CBFA2T3: variants seen among roughly 807,000 people sequenced by gnomAD.
CBFA2T3 encodes CBFA2/RUNX1 partner transcriptional co-repressor 3.
A neutral mutation model predicts 58.6 loss-of-function variants in CBFA2T3; 31 were observed. The observed-to-expected ratio is 0.53, with a 90% CI of 0.40 to 0.71. The LOEUF (loss-of-function observed/expected upper bound fraction) is 0.71. Ranked by LOEUF, CBFA2T3 falls within the 30% of genes least tolerant of loss-of-function variation. CBFA2T3 has a pLI of 0.00. For synonymous variants in CBFA2T3, 531 were observed against 421.9 expected (o/e 1.26, Z -3.17); for missense variants, 1,076 against 963.1 (o/e 1.12, Z -1.55).
chr16:88,878,362 G>A lies in CBFA2T3; in HGVS notation c.1662+908C>T, dbSNP rs1455328070. On this transcript the variant is annotated intron_variant, in intron 11 of 11. Transcript: ENST00000268679. The stretch of plus-strand genomic sequence containing the variant: ...ATGGGGCTCCATCTCCTCCCACCCC[G>A]GGGCTGGCCCAGGCACAGATGCACA... Among the ~76,000 whole-genome samples, 8 of 152,176 alleles carry A rather than the reference G, an allele frequency of 5.3e-5. No homozygotes were observed. In the East Asian group the frequency reaches 9.6e-4, roughly 18 times the overall value.
intron 5 of CBFA2T3, among the ~76,000 whole-genome samples, chr16:88,890,393 C>T (rs958422835): frequency 1.3e-5 from 2 of 152,192 alleles, no homozygotes; most frequent in Non-Finnish European, 2.9e-5. Context: ...TCTGGACCCC[C>T]GAGGGGAGGC....
intron 1 of CBFA2T3, among the ~76,000 whole-genome samples, chr16:88,936,250 G>T (rs1238646873): frequency 3.3e-5 from 5 of 152,168 alleles, no homozygotes. Flanking sequence ...CGTCTCCCAG[G>T]TATCTCCCAT....
chr16:88,903,077 C>T (rs146400932), intron 1 of CBFA2T3, among the ~76,000 whole-genome samples: 12 of 152,316 alleles, frequency 7.9e-5, no homozygotes, highest in Middle Eastern at 3.4e-3. Flanking sequence ...CAACTGTGGG[C>T]GCTGCCCCTG....
chr16:88,927,462 G>A lies in CBFA2T3; in HGVS notation c.152-25806C>T, dbSNP rs184530041. Among the ~76,000 whole-genome samples the A allele has an allele frequency of 5.3e-3, 804 of 152,328 alleles. 6 individuals carry two copies. Among genetic ancestry groups the A allele is most frequent in the African/African-American group, 0.018 (759 of 41,568 alleles). ...ATCCTGCCGGGGTGGAGGAGGGGCT[G>A]GGGAAGAGGTGGGTCCACCTGTTCT... is the stretch of plus-strand genomic sequence containing the variant. On this transcript the variant is annotated intron_variant, in intron 1 of 11. Transcript: ENST00000268679.
At chr16:88,951,140 C>G in intron 1 of CBFA2T3, 1 of 371,494 alleles carries the variant, frequency 2.7e-6, no homozygotes, top group South Asian at 1.8e-5. Context: ...ATCTGTTCAC[C>G]CCTCCCCTGG....
intron 1 of CBFA2T3, among the ~76,000 whole-genome samples, chr16:88,916,879 A>G (rs1207102603): frequency 6.6e-6 from 1 of 152,014 alleles, no homozygotes; most frequent in Non-Finnish European, 1.5e-5. Flanking sequence ...TGGAGGGGCC[A>G]ACAGAGGGGA....
intron 1 of CBFA2T3, among the ~76,000 whole-genome samples, chr16:88,962,199 C>G (rs1254150670): frequency 6.6e-6 from 1 of 152,140 alleles, no homozygotes; most frequent in Non-Finnish European, 1.5e-5. Context: ...CCATAGTAAC[C>G]GACCCTCAGC....
intron 7 of CBFA2T3, chr16:88,884,230 G>T (rs1422025177): frequency 6.6e-6 from 1 of 152,250 alleles, no homozygotes; most frequent in Non-Finnish European, 1.5e-5. Flanking sequence ...TGGGGGCTGG[G>T]AGATGGCCTT....
chr16:88,975,209 ACCC>A (rs1567644075), intron 1 of CBFA2T3, among the ~76,000 whole-genome samples: 126 of 76,442 alleles, frequency 1.6e-3, no homozygotes, highest in South Asian at 5.1e-3. Context: ...GTCCACCCTG[ACCC>A]TCTGCTCCTC....
intron 11 of CBFA2T3, among the ~76,000 whole-genome samples, chr16:88,878,173 C>T (rs1335943258): frequency 1.3e-5 from 2 of 152,256 alleles, no homozygotes; most frequent in Admixed American, 6.5e-5. Context: ...GCCTCCACAG[C>T]CCCACTCCCC....
chr16:88,954,475 A>C (rs1165258224), intron 1 of CBFA2T3, among the ~76,000 whole-genome samples: 1 of 136,912 alleles, frequency 7.3e-6, no homozygotes, highest in Non-Finnish European at 1.5e-5. Context: ...TCCTGACCCC[A>C]GCCAAGGCTC....
intron 11 of CBFA2T3, among the ~76,000 whole-genome samples, chr16:88,877,592 G>A (rs552583533): frequency 3.8e-4 from 58 of 152,220 alleles, no homozygotes; most frequent in African/African-American, 1.4e-3. Context: ...AAAACCAAAG[G>A]GCGTGGCCCC....
At chr16:88,890,692 G>A (rs1969596371) in intron 5 of CBFA2T3, among the ~76,000 whole-genome samples, 1 of 150,578 alleles carries the variant, frequency 6.6e-6, no homozygotes, top group Non-Finnish European at 1.5e-5. Flanking sequence ...TCTCCCATGG[G>A]AATCACTGGC....
At chr16:88,950,220 G>T (rs780420301) in intron 1 of CBFA2T3, 1 of 436,958 alleles carries the variant, frequency 2.3e-6, no homozygotes, top group South Asian at 1.6e-5. Context: ...GACCGGCACC[G>T]CCACAGAGGG....
chr16:88,925,004 C>T (rs1971038736), intron 1 of CBFA2T3, among the ~76,000 whole-genome samples: 1 of 152,240 alleles, frequency 6.6e-6, no homozygotes, highest in Non-Finnish European at 1.5e-5. Flanking sequence ...TCACCGTGGC[C>T]AAGCCCAGGG....
intron 1 of CBFA2T3, among the ~76,000 whole-genome samples, chr16:88,971,866 A>C (rs1247570477): frequency 6.6e-6 from 1 of 152,194 alleles, no homozygotes; most frequent in African/African-American, 2.4e-5. Flanking sequence ...GGTCAACTGC[A>C]GTCACGGAAG....
rs2142900473 is a variant in CBFA2T3, at chr16:88,977,167, G to A, written c.-360C>T. On this transcript the variant is annotated 5_prime_UTR_variant, in exon 1 of 12. Transcript: ENST00000268679. Reference sequence around the variant, plus strand: ...CACTTCCCTGACAGGAACCATCTGGGGCCCTGCCCTGCGCGGCCTTCCCTC... The same window carrying A: ...CACTTCCCTGACAGGAACCATCTGGAGCCCTGCCCTGCGCGGCCTTCCCTC... 3.5e-6 allele frequency: 1 copy of A among 287,134 alleles called. No homozygotes were observed. The highest frequency in any genetic ancestry group is 1.0e-4 in the South Asian group (1 of 9,942). The allele number at this position is 287,134 out of a possible 1,614,324, so 17.8% of individuals were successfully genotyped here. A position where few individuals can be genotyped will look rare whatever the true frequency, so the allele number is the denominator to read the frequency against.
chr16:88,895,790 A>G (rs1225567701), intron 3 of CBFA2T3, among the ~76,000 whole-genome samples: 3 of 152,116 alleles, frequency 2.0e-5, no homozygotes, highest in Non-Finnish European at 4.4e-5. Context: ...CCAGACAGAC[A>G]CGGCCCTGCC....
At chr16:88,889,161 G>A (rs140471265) in intron 5 of CBFA2T3, among the ~76,000 whole-genome samples, 5 of 151,792 alleles carry the variant, frequency 3.3e-5, no homozygotes, top group South Asian at 2.1e-4. Flanking sequence ...GAAGGGAAGG[G>A]AAGGGCCGCT....
Sources: allele counts gnomAD v4.1 joint callset (sites outside exome capture counted in the v4.1 genomes callset), GRCh38; gene constraint gnomAD v4.1.1; transcripts MANE v1.5; gene names NCBI Gene and HGNC (gene_info 2026-07-23, HGNC 2026-07-21).